Variants in RAD51B observed in about 807,000 individuals in gnomAD.
The protein encoded by RAD51B is RAD51 paralog B, also known as DNA repair protein RAD51 homolog 2.
RAD51B carries 38 observed loss-of-function variants against 42.2 expected under a neutral mutation model. The observed-to-expected ratio is 0.90, with a 90% confidence interval of 0.70 to 1.18. The LOEUF is 1.18. RAD51B is among the 50% of genes most tolerant of loss of function. The pLI, the probability that RAD51B is intolerant of heterozygous loss-of-function variation, is 0.00. For synonymous variants in RAD51B, 154 were observed against 145.2 expected (o/e 1.06, Z -0.43); for missense variants, 373 against 400.7 (o/e 0.93, Z 0.59).
intron 8 of RAD51B, among the ~76,000 whole-genome samples, chr14:68,321,714 G>C (rs186345731): frequency 6.6e-6 from 1 of 152,314 alleles, no homozygotes; most frequent in East Asian, 1.9e-4. Context: ...TTGTTGCTAT[G>C]AGGATTCAGT....
intron 7 of RAD51B, among the ~76,000 whole-genome samples, chr14:68,021,007 G>C (rs1179995021): frequency 6.6e-6 from 1 of 152,148 alleles, no homozygotes; most frequent in African/African-American, 2.4e-5. Context: ...GATTCACAGA[G>C]AGCTTTGTGA....
Position 68,201,999 on chromosome 14 carries a change from G to A in RAD51B, c.757-89885G>A, listed in dbSNP as rs1033121596. ...AGACCACCACAATAAAGTGAATATG[G>A]AGAAAAACTGAATATTGTAATAAAG... On this transcript the variant is annotated intron_variant, in intron 7 of 10. Coordinates refer to ENST00000471583, the MANE Select transcript of RAD51B (RefSeq NM_133510.4). Among the ~76,000 whole-genome samples, 24 of 152,150 alleles carry A rather than the reference G, an allele frequency of 1.6e-4. 1 individual carries two copies. Among genetic ancestry groups the A allele is most frequent in the Non-Finnish European group, 8.8e-5 (6 of 68,022 alleles).
intron 10 of RAD51B, among the ~76,000 whole-genome samples, chr14:68,571,023 G>T (rs1056134067): frequency 6.6e-6 from 1 of 152,164 alleles, no homozygotes; most frequent in East Asian, 1.9e-4. Context: ...ATCAGCCAGT[G>T]AAGGGGCTTT....
chr14:67,844,622 A>ATTT (rs1176846121), intron 4 of RAD51B, among the ~76,000 whole-genome samples: 1 of 147,398 alleles, frequency 6.8e-6, no homozygotes, highest in African/African-American at 2.5e-5. Flanking sequence ...TTATATATAT[A>ATTT]TATTTTTTTT....
chr14:68,133,630 C>T (rs1487883069), intron 7 of RAD51B, among the ~76,000 whole-genome samples: 2 of 152,042 alleles, frequency 1.3e-5, no homozygotes, highest in African/African-American at 4.8e-5. Flanking sequence ...CACCACCACG[C>T]CTGGCTAATT....
chr14:68,267,273 T>C (rs990084403), intron 7 of RAD51B, among the ~76,000 whole-genome samples: 6 of 152,140 alleles, frequency 3.9e-5, no homozygotes, highest in African/African-American at 1.4e-4. Flanking sequence ...GCCCTAATAA[T>C]AGGAAAACCG....
At chr14:68,201,149 T>C (rs2093518274) in intron 7 of RAD51B, among the ~76,000 whole-genome samples, 1 of 152,358 alleles carries the variant, frequency 6.6e-6, no homozygotes. Context: ...ATTGAAATTA[T>C]TTAAGAGAAA....
intron 4 of RAD51B, among the ~76,000 whole-genome samples, chr14:67,860,749 CTAAG>C (rs1256026563): frequency 3.9e-5 from 6 of 152,092 alleles, no homozygotes; most frequent in Non-Finnish European, 7.3e-5. Flanking sequence ...AATGCAGAGT[CTAAG>C]TGGTGGGTAT....
intron 7 of RAD51B, among the ~76,000 whole-genome samples, chr14:68,133,161 T>A (rs768444646): frequency 1.3e-5 from 2 of 152,206 alleles, no homozygotes; most frequent in Non-Finnish European, 2.9e-5. Context: ...TTGGTGGGAA[T>A]TTGAACTGGA....
At chr14:68,540,193 AATAC>A in intron 10 of RAD51B, 1 of 763,902 alleles carries the variant, frequency 1.3e-6, no homozygotes, top group Non-Finnish European at 1.5e-6. Context: ...TTTTTTTTTA[AATAC>A]AGGATCTAGA....
At chr14:68,485,291 A>G (rs890713010) in intron 10 of RAD51B, among the ~76,000 whole-genome samples, 2 of 152,176 alleles carry the variant, frequency 1.3e-5, no homozygotes, top group African/African-American at 4.8e-5. Context: ...GCTCACCTCC[A>G]GCCCCTGACT....
intron 10 of RAD51B, among the ~76,000 whole-genome samples, chr14:68,642,966 T>C (rs1490573178): frequency 1.3e-5 from 2 of 152,248 alleles, no homozygotes; most frequent in African/African-American, 4.8e-5. Flanking sequence ...GAAAACATTG[T>C]ATGATTTCTA....
intron 9 of RAD51B, among the ~76,000 whole-genome samples, chr14:68,427,609 G>C (rs1236505972): frequency 6.6e-6 from 1 of 152,084 alleles, no homozygotes; most frequent in African/African-American, 2.4e-5. Context: ...TCCTATCATT[G>C]TATTTTGGAG....
intron 8 of RAD51B, among the ~76,000 whole-genome samples, chr14:68,369,598 T>A (rs1482169442): frequency 6.6e-6 from 1 of 152,224 alleles, no homozygotes; most frequent in African/African-American, 2.4e-5. Context: ...GACATTTCTC[T>A]TTCACAAACT....
intron 7 of RAD51B, among the ~76,000 whole-genome samples, chr14:68,059,144 T>C (rs1595339333): frequency 6.6e-6 from 1 of 152,166 alleles, no homozygotes; most frequent in Non-Finnish European, 1.5e-5. Flanking sequence ...GTGATCCCAA[T>C]TGGATTTCAC....
intron 7 of RAD51B, chr14:67,887,540 A>G (rs2043100202): frequency 5.6e-6 from 1 of 177,266 alleles, no homozygotes; most frequent in Admixed American, 5.7e-5. Context: ...AATATAAAGT[A>G]GTAAAACTTC....
At chr14:67,946,779 A>G (rs2045409403) in intron 7 of RAD51B, among the ~76,000 whole-genome samples, 1 of 152,234 alleles carries the variant, frequency 6.6e-6, no homozygotes, top group African/African-American at 2.4e-5. Context: ...GAGAGAAGGT[A>G]TGGATATACT....
intron 10 of RAD51B, among the ~76,000 whole-genome samples, chr14:68,560,269 GA>G (rs1249898561): frequency 2.0e-5 from 3 of 151,990 alleles, no homozygotes; most frequent in African/African-American, 4.8e-5. Context: ...TGGAGAGGCG[GA>G]AAAAAAATTC....
chr14:68,027,506 C>T (rs2075973770), intron 7 of RAD51B, among the ~76,000 whole-genome samples: 1 of 151,938 alleles, frequency 6.6e-6, no homozygotes, highest in Non-Finnish European at 1.5e-5. Context: ...TACATGCGCT[C>T]ATATTTCTTG....
Sources: gnomAD v4.1 joint callset for allele counts (sites outside exome capture counted in the v4.1 genomes callset) on GRCh38, gnomAD v4.1.1 for gene constraint, MANE v1.5 for transcripts, NCBI Gene and HGNC (gene_info 2026-07-23, HGNC 2026-07-21) for gene names.